MFSD6: variants seen among roughly 807,000 people sequenced by gnomAD.
MFSD6 encodes the protein major facilitator superfamily domain containing 6.
Under a neutral mutation model 56.3 loss-of-function variants are expected in MFSD6, and 26 were observed. The ratio of observed to expected loss-of-function variants is 0.46; its 90% CI spans 0.34 to 0.64. MFSD6 has a LOEUF of 0.64. Among genes scored for constraint, MFSD6 ranks in the 30% least tolerant of loss-of-function variants. The pLI is 0.01. For missense variants in MFSD6, 750 were observed against 986.2 expected (o/e 0.76, Z 3.21); for synonymous variants, 331 against 366.9 (o/e 0.90, Z 1.12).
At chr2:190,419,629 C>G (rs1272324547) in intron 2 of MFSD6, among the ~76,000 whole-genome samples, 1 of 152,232 alleles carries the variant, frequency 6.6e-6, no homozygotes, top group Non-Finnish European at 1.5e-5. Context: ...TGTATTCGAT[C>G]TCAGGGTTTC....
chr2:190,409,682 G>T (rs931225780), intron 1 of MFSD6, among the ~76,000 whole-genome samples: 17 of 152,210 alleles, frequency 1.1e-4, no homozygotes, highest in Non-Finnish European at 2.4e-4. Flanking sequence ...AAAAGGAGAT[G>T]TGTACTTGGT....
Position 190,454,750 on chromosome 2 carries a change from T to C in MFSD6, c.1533-15008T>C, listed in dbSNP as rs184424112. ...CATGGCAGCCCGAGCAAATTAATAA[T>C]GTGTCTAAATAGAGTAAGGAGAGCC... On this transcript the variant is annotated intron_variant, in intron 3 of 7. Transcript: ENST00000392328. This position sits in a 1 kb window ranked among gnomAD's most constrained non-coding sequence, Gnocchi z 4.6. Among the ~76,000 whole-genome samples, 1 of 152,150 alleles carries C rather than the reference T, an allele frequency of 6.6e-6. No homozygotes were observed.
rs1690535685 is a variant in MFSD6 at position 190,410,962 on chromosome 2, A to G, written c.-176+2459A>G. 5.6e-6 allele frequency: 1 copy of G among 178,340 alleles called. No individual in the cohort carries two copies. The highest frequency in any genetic ancestry group is 2.4e-5 in the African/African-American group (1 of 41,670). The allele number at this position is 178,340 out of a possible 1,614,324, so 11.0% of individuals were successfully genotyped here. A position where few individuals can be genotyped will look rare whatever the true frequency, so the allele number is the denominator to read the frequency against. On this transcript the variant is annotated intron_variant, in intron 1 of 7. Transcript: ENST00000392328. The surrounding 1 kb of genome is among the most constrained non-coding windows in gnomAD (Gnocchi z 4.4). ...TCCCAGCTACTCAGGGGGCTGAGGTAGAGAATTGCTTGAATCCGGGAGGTG... is the reference window on the plus strand; with the variant it reads ...TCCCAGCTACTCAGGGGGCTGAGGTGGAGAATTGCTTGAATCCGGGAGGTG...
At position 190,492,726 on chromosome 2, in the gene MFSD6, G is replaced by A. The variant is rs571044792; in HGVS notation, c.1891+2860G>A. Among the ~76,000 whole-genome samples the A allele has an allele frequency of 5.9e-5, 9 of 151,940 alleles. No homozygotes were observed. Among genetic ancestry groups the A allele is most frequent in the African/African-American group, 2.2e-4 (9 of 41,312 alleles). On this transcript the variant is annotated intron_variant, in intron 6 of 7. Coordinates refer to ENST00000392328, the MANE Select transcript of MFSD6 (RefSeq NM_017694.4). The surrounding 1 kb of genome is among the most constrained non-coding windows in gnomAD (Gnocchi z 5.2). Reference sequence around the variant, plus strand: ...GCTTCATAAATAAAGGAAAGATACAGTCTTTTTCAGACAAACAAATGCTGA... The same window carrying A: ...GCTTCATAAATAAAGGAAAGATACAATCTTTTTCAGACAAACAAATGCTGA...
In MFSD6 at chr2:190,436,335, G is replaced by A; in HGVS notation, c.306G>A (p.Gln102=). ...YYKQLGMSPS[Q]SGLLVGIRYF... ...AACAGCTGGGAATGTCTCCAAGCCA[G>A]AGTGGACTACTAGTAGGTATTCGTT... is the stretch of plus-strand genomic sequence containing the variant. Residue 102 remains glutamine (Q), a synonymous_variant, in exon 3 of 8, where the codon CAG becomes CAA. Transcript: ENST00000392328. This position sits in a 1 kb window ranked among gnomAD's most constrained non-coding sequence, Gnocchi z 5.3. The A allele has an allele frequency of 6.2e-7, 1 of 1,614,224 alleles. No individual in the cohort carries two copies. The highest frequency in any genetic ancestry group is 8.5e-7 in the Non-Finnish European group (1 of 1,180,038).
Position 190,437,225 on chromosome 2 carries a change from A to G in MFSD6, c.1196A>G (p.Asp399Gly). Residue 399 changes from aspartate (D) to glycine (G), a missense_variant, in exon 3 of 8, where the codon GAT becomes GGT. This residue lies in a region of MFSD6 where 376 missense variants were observed against 437.9 expected (regional missense o/e 0.86). Coordinates refer to ENST00000392328, the MANE Select transcript of MFSD6 (RefSeq NM_017694.4). The surrounding 1 kb of genome is among the most constrained non-coding windows in gnomAD (Gnocchi z 5.9). ...FRFRYNHFKN[D>G]DSKGKEVEIP... ...TTCCGCTACAACCATTTCAAAAACGATGATTCTAAAGGGAAAGAGGTGGAG... is the reference window on the plus strand; with the variant it reads ...TTCCGCTACAACCATTTCAAAAACGGTGATTCTAAAGGGAAAGAGGTGGAG... The G allele has an allele frequency of 6.2e-7, 1 of 1,614,226 alleles. No individual in the cohort carries two copies. The highest frequency in any genetic ancestry group is 1.1e-5 in the South Asian group (1 of 91,090).
intron 2 of MFSD6, among the ~76,000 whole-genome samples, chr2:190,427,981 C>T (rs560513469): frequency 2.0e-5 from 3 of 152,330 alleles, no homozygotes; most frequent in Admixed American, 6.5e-5. Context: ...ATCCACTTGC[C>T]TCAGCCTCCC....
rs1008364961 is a variant in MFSD6 at position 190,500,883 on chromosome 2, T to C, written c.*665T>C. 1 of 152,232 alleles carries C rather than the reference T, an allele frequency of 6.6e-6. No homozygotes were observed. Among genetic ancestry groups the C allele is most frequent in the African/African-American group, 2.4e-5 (1 of 41,464 alleles). The allele number at this position is 152,232 out of a possible 1,614,324, so 9.4% of individuals were successfully genotyped here. On this transcript the variant is annotated 3_prime_UTR_variant, in exon 8 of 8. Transcript: ENST00000392328. This position sits in a 1 kb window ranked among gnomAD's most constrained non-coding sequence, Gnocchi z 5.3. ...TTCTTTGAGCAACAGAAGCTATTAT[T>C]AACTACTGCAAGCTAAGCCGAGCTT...
At chr2:190,473,786 C>CGCACT (rs1688104190) in intron 4 of MFSD6, among the ~76,000 whole-genome samples, 1 of 151,834 alleles carries the variant, frequency 6.6e-6, no homozygotes, top group Admixed American at 6.6e-5. Context: ...AGCACCACAC[C>CGCACT]TATTCCAAAA....
At chr2:190,442,914 A>G (rs1359660897) in intron 3 of MFSD6, 4 of 152,196 alleles carry the variant, frequency 2.6e-5, no homozygotes, top group African/African-American at 9.7e-5. Flanking sequence ...AAGAAGAGAA[A>G]TGGGCTGAGG....
Position 190,431,029 on chromosome 2 carries a change from GTC to G in MFSD6, c.-53-4947_-53-4946del, listed in dbSNP as rs1685971756. ...AGACGCTCCTCACCTCCCAGACGGG[GTC>G]GCGGCCGGGCAGAGGCGCTCCTCAC... On this transcript the variant is annotated intron_variant, in intron 2 of 7. Transcript: ENST00000392328. This position sits in a 1 kb window ranked among gnomAD's most constrained non-coding sequence, Gnocchi z 4.4. Among the ~76,000 whole-genome samples, 1 of 114,888 alleles carries G rather than the reference GTC, an allele frequency of 8.7e-6. No homozygotes were observed. The highest frequency in any genetic ancestry group is 2.7e-4 in the South Asian group (1 of 3,690). The allele number at this position is 114,888 out of a possible 152,430, so 75.4% of individuals were successfully genotyped here. A position where few individuals can be genotyped will look rare whatever the true frequency, so the allele number is the denominator to read the frequency against.
chr2:190,500,326 C>G lies in MFSD6; in HGVS notation c.*108C>G. On this transcript the variant is annotated 3_prime_UTR_variant, in exon 8 of 8. Transcript: ENST00000392328. This position sits in a 1 kb window ranked among gnomAD's most constrained non-coding sequence, Gnocchi z 5.3. ...CCTCCCCTGGAGGAGCACAGCACTGCATATGCTTCTAAATATCTAAACTCA... is the reference window on the plus strand; with the variant it reads ...CCTCCCCTGGAGGAGCACAGCACTGGATATGCTTCTAAATATCTAAACTCA... 1 of 1,099,132 alleles carries G rather than the reference C, an allele frequency of 9.1e-7. No individual in the cohort carries two copies. The highest frequency in any genetic ancestry group is 1.4e-5 in the South Asian group (1 of 69,176). 68.1% of individuals were successfully genotyped at this position (1,099,132 alleles called of 1,614,324 possible). A position where few individuals can be genotyped will look rare whatever the true frequency, so the allele number is the denominator to read the frequency against.
Position 190,487,584 on chromosome 2 carries a change from G to T in MFSD6, c.1631-1073G>T, listed in dbSNP as rs1327165349. Among the ~76,000 whole-genome samples, 1 of 152,094 alleles carries T rather than the reference G, an allele frequency of 6.6e-6. No homozygotes were observed. The highest frequency in any genetic ancestry group is 1.5e-5 in the Non-Finnish European group (1 of 68,016). ...ACAAAAACCAACCCAATTAAAAAAT[G>T]GGCAAAGGAATTGAATAAACATTTC... On this transcript the variant is annotated intron_variant, in intron 4 of 7. Transcript: ENST00000392328. The surrounding 1 kb of genome is among the most constrained non-coding windows in gnomAD (Gnocchi z 5.5).
intron 4 of MFSD6, among the ~76,000 whole-genome samples, chr2:190,472,850 C>T (rs1688030641): frequency 6.6e-6 from 1 of 152,290 alleles, no homozygotes; most frequent in South Asian, 2.1e-4. Flanking sequence ...GGTCGGGTTA[C>T]CCACAAAGGG....
chr2:190,442,289 C>T lies in MFSD6; in HGVS notation c.1532+4728C>T, dbSNP rs538027882. ...CAATTTAGTTGAACAGTTATTTAGG[C>T]CCAAAGAGCCTCAGATTAGTAAGAT... is the stretch of plus-strand genomic sequence containing the variant. On this transcript the variant is annotated intron_variant, in intron 3 of 7. Coordinates refer to ENST00000392328, the MANE Select transcript of MFSD6 (RefSeq NM_017694.4). Among the ~76,000 whole-genome samples, 3 of 152,096 alleles carry T rather than the reference C, an allele frequency of 2.0e-5. No homozygotes were observed. The South Asian group carries it at 6.3e-4, about 32-fold the overall frequency.
Position 190,491,380 on chromosome 2 carries a change from C to T in MFSD6, c.1891+1514C>T, listed in dbSNP as rs932929628. 2.0e-5 allele frequency among the ~76,000 whole-genome samples: 3 copies of T among 152,214 alleles called. No homozygotes were observed. Among genetic ancestry groups the T allele is most frequent in the East Asian group, 1.9e-4 (1 of 5,194 alleles). ...ATACCAGGAAAGCTGAGAGAATACA[C>T]AGACCCTCTGAAGGAAGCATATTGC... On this transcript the variant is annotated intron_variant, in intron 6 of 7. Transcript: ENST00000392328. The surrounding 1 kb of genome is among the most constrained non-coding windows in gnomAD (Gnocchi z 4.2).
At chr2:190,475,020 C>T (rs2125170241) in intron 4 of MFSD6, among the ~76,000 whole-genome samples, 2 of 152,312 alleles carry the variant, frequency 1.3e-5, no homozygotes, top group South Asian at 4.2e-4. Context: ...AACAACCCTT[C>T]ATGCTAAAAA....
In MFSD6 at chr2:190,413,773, C is replaced by T. The variant is rs190584670; in HGVS notation, c.-175-1519C>T. Among the ~76,000 whole-genome samples the T allele has an allele frequency of 2.0e-3, 310 of 152,236 alleles. 3 individuals carry two copies. Among genetic ancestry groups the T allele is most frequent in the African/African-American group, 6.7e-3 (279 of 41,552 alleles). ...ACAGGCAGGTGCACTCCACTCTGCA[C>T]GGGGCCTGCTCTCTCTGAGCTCCAA... On this transcript the variant is annotated intron_variant, in intron 1 of 7. Coordinates refer to ENST00000392328, the MANE Select transcript of MFSD6 (RefSeq NM_017694.4). The surrounding 1 kb of genome is among the most constrained non-coding windows in gnomAD (Gnocchi z 4.1).
intron 4 of MFSD6, among the ~76,000 whole-genome samples, chr2:190,475,275 A>G (rs1688228556): frequency 6.6e-6 from 1 of 151,528 alleles, no homozygotes; most frequent in East Asian, 1.9e-4. Context: ...AAGTCAAATT[A>G]TCCCTGTTTG....
Sources: allele counts gnomAD v4.1 joint callset (sites outside exome capture counted in the v4.1 genomes callset), GRCh38; gene constraint gnomAD v4.1.1; regional missense constraint gnomAD v4.1.1; non-coding constraint Gnocchi (gnomAD v3.1); transcripts MANE v1.5; gene names NCBI Gene and HGNC (gene_info 2026-07-23, HGNC 2026-07-21).